SYT7: variants seen among roughly 807,000 people sequenced by gnomAD.
SYT7 encodes the protein synaptotagmin 7.
In SYT7, 29 loss-of-function variants were observed where a neutral mutation model predicts 75.1. The ratio of observed to expected loss-of-function variants is 0.39; its 90% confidence interval spans 0.29 to 0.53. The LOEUF (loss-of-function observed/expected upper bound fraction) is 0.53. Ranked by LOEUF, SYT7 falls within the 20% of genes least tolerant of loss-of-function variation. The pLI is 0.77. For synonymous variants in SYT7, 376 were observed against 401.7 expected, an observed-to-expected ratio of 0.94 and a Z score of 0.76; for missense variants, 693 against 953.2, an observed-to-expected ratio of 0.73 and a Z score of 3.59.
At chr11:61,525,141 T>C (rs2135077666) in intron 9 of SYT7, among the ~76,000 whole-genome samples, 1 of 152,340 alleles carries the variant, frequency 6.6e-6, no homozygotes, top group African/African-American at 2.4e-5. Flanking sequence ...CGCTGGCACC[T>C]CTTGCCTAGG....
chr11:61,524,714 G>T lies in SYT7; in HGVS notation c.1472-182C>A, dbSNP rs375254838. The T allele has an allele frequency of 1.4e-5, 8 of 555,564 alleles. No individual in the cohort carries two copies. Among genetic ancestry groups the T allele is most frequent in the Non-Finnish European group, 2.2e-5 (7 of 320,140 alleles). 34.4% of individuals were successfully genotyped at this position (555,564 alleles called of 1,614,324 possible). On this transcript the variant is annotated intron_variant, in intron 9 of 12. Transcript: ENST00000539008. This position sits in a 1 kb window ranked among gnomAD's most constrained non-coding sequence, Gnocchi z 4.1. The stretch of plus-strand genomic sequence containing the variant: ...TGAAGTGCTAGCAAGAACTGTCACC[G>T]TCTCATGGGATTCCCTCAACAATTC...
chr11:61,547,148 A>C, intron 4 of SYT7, 29 bp downstream of exon 4: 1 of 1,534,260 alleles, frequency 6.5e-7, no homozygotes, highest in Non-Finnish European at 8.7e-7. Context: ...TACTCGGTAC[A>C]TATGATCAAA....
intron 3 of SYT7, among the ~76,000 whole-genome samples, chr11:61,549,225 T>A (rs1005709171): frequency 6.6e-6 from 1 of 152,252 alleles, no homozygotes; most frequent in Non-Finnish European, 1.5e-5. Flanking sequence ...TCCCACCCTG[T>A]GTTCTGAAGA....
chr11:61,530,776 A>G (rs1371937120), intron 8 of SYT7: 1 of 983,776 alleles, frequency 1.0e-6, no homozygotes, highest in African/African-American at 1.7e-5. Flanking sequence ...CACCTGGGAA[A>G]GGGGTGGCAG....
chr11:61,528,031 C>A lies in SYT7; in HGVS notation c.1355G>T (p.Gly452Val). 6.2e-7 allele frequency: 1 copy of A among 1,614,146 alleles called. No homozygotes were observed. The highest frequency in any genetic ancestry group is 8.5e-7 in the Non-Finnish European group (1 of 1,180,026). ...AQELPAKDFS[G>V]TSDPFVKIYL... Reference sequence around the variant, plus strand: ...GATCTTGACGAAGGGGTCGCTGGTGCCGCTGAAGTCCTTGGCCGGCAGCTC... The same window carrying A: ...GATCTTGACGAAGGGGTCGCTGGTGACGCTGAAGTCCTTGGCCGGCAGCTC... Residue 452 changes from glycine to valine, a missense_variant, in exon 9 of 13, where the codon GGC becomes GTC. By Grantham distance (109) the Gly-to-Val change is moderately radical. This residue lies in a region of SYT7 where 206 missense variants were observed against 360.0 expected (regional missense o/e 0.57). Coordinates refer to ENST00000539008, the MANE Select transcript of SYT7 (RefSeq NM_001365809.2).
At chr11:61,583,072 A>AAAAAATT (rs1237516900), upstream of SYT7, among the ~76,000 whole-genome samples, 1 of 152,024 alleles carries the variant, frequency 6.6e-6, no homozygotes. Flanking sequence ...ACAAAGAAAA[A>AAAAAATT]AAAAATTAGC....
chr11:61,514,638 T>A lies in SYT7; in HGVS notation c.*3989A>T. ...GGCAGGGGATGGGGATGGTTATTGCTTTGTTGTGGCCAGAAGAAACAGGTG... is the reference window on the plus strand; with the variant it reads ...GGCAGGGGATGGGGATGGTTATTGCATTGTTGTGGCCAGAAGAAACAGGTG... On this transcript the variant is annotated 3_prime_UTR_variant, in exon 13 of 13. Coordinates refer to ENST00000539008, the MANE Select transcript of SYT7 (RefSeq NM_001365809.2). Among the ~76,000 whole-genome samples the A allele has an allele frequency of 6.6e-6, 1 of 152,120 alleles. No homozygotes were observed. The highest frequency in any genetic ancestry group is 1.9e-4 in the East Asian group (1 of 5,190).
At position 61,517,450 on chromosome 11, in the gene SYT7, G is replaced by A; in HGVS notation, c.*1177C>T. The A allele has an allele frequency of 2.5e-6, 1 of 398,896 alleles. No homozygotes were observed. The highest frequency in any genetic ancestry group is 3.6e-5 in the East Asian group (1 of 28,068). The allele number at this position is 398,896 out of a possible 1,614,324, so 24.7% of individuals were successfully genotyped here. ...GGGTGAGAAGACAGTCCTGGAGAAG[G>A]TCAGGTGATGGACGATCAGAGACCA... On this transcript the variant is annotated 3_prime_UTR_variant, in exon 13 of 13. Transcript: ENST00000539008.
intron 2 of SYT7, among the ~76,000 whole-genome samples, chr11:61,554,075 TG>T (rs1235344827): frequency 6.6e-6 from 1 of 152,044 alleles, no homozygotes; most frequent in Non-Finnish European, 1.5e-5. Context: ...GGTTCCTGGC[TG>T]GGGATTGTGG....
chr11:61,536,986 C>T (rs951333461), intron 7 of SYT7, among the ~76,000 whole-genome samples: 4 of 152,200 alleles, frequency 2.6e-5, no homozygotes, highest in Non-Finnish European at 5.9e-5. Context: ...AGGGGCCATT[C>T]CTTAGAGGTT....
At chr11:61,537,102 A>C (rs1394288569) in intron 7 of SYT7, among the ~76,000 whole-genome samples, 1 of 152,202 alleles carries the variant, frequency 6.6e-6, no homozygotes, top group Non-Finnish European at 1.5e-5. Flanking sequence ...CCAGAGCTGG[A>C]AGGCAGATGT....
In SYT7 at chr11:61,514,065, G is replaced by T. The variant is rs2062103939; in HGVS notation, c.*4562C>A. On this transcript the variant is annotated 3_prime_UTR_variant, in exon 13 of 13. Transcript: ENST00000539008. Reference sequence around the variant, plus strand: ...GGTGGTCCCAGGTACAGGGAGGGGTGGGGGAGCATCTCAGAGCAGGCATGG... The same window carrying T: ...GGTGGTCCCAGGTACAGGGAGGGGTTGGGGAGCATCTCAGAGCAGGCATGG... Among the ~76,000 whole-genome samples the T allele has an allele frequency of 6.6e-6, 1 of 152,152 alleles. No homozygotes were observed. The highest frequency in any genetic ancestry group is 1.5e-5 in the Non-Finnish European group (1 of 68,008).
chr11:61,532,969 G>A lies in SYT7; in HGVS notation c.1200+20C>T, dbSNP rs564576106. 41 of 1,611,856 alleles carry A rather than the reference G, an allele frequency of 2.5e-5. No homozygotes were observed. In the East Asian group the frequency reaches 4.7e-4, roughly 18 times the overall value. ...TCCCAGCCCAGTTCCTTGGAGCAGC[G>A]CAGGCTCCCTCATTCTCACCATGAG... On this transcript the variant is annotated intron_variant, in intron 8 of 12. Transcript: ENST00000539008.
chr11:61,549,993 C>T (rs2063302759), intron 3 of SYT7, among the ~76,000 whole-genome samples: 1 of 152,194 alleles, frequency 6.6e-6, no homozygotes, highest in Non-Finnish European at 1.5e-5. Flanking sequence ...AACGGCCTGT[C>T]CTGGAGGAGG....
rs188492699 is a variant in SYT7 at position 61,559,781 on chromosome 11, C to A, written c.32-3574G>T. On this transcript the variant is annotated intron_variant, in intron 1 of 12. Coordinates refer to ENST00000539008, the MANE Select transcript of SYT7 (RefSeq NM_001365809.2). ...GTCAGAGAGTCCCTAGGGACAGAAG[C>A]CTGTCGATCCCAGAGTCCAGTGGGC... Among the ~76,000 whole-genome samples, 445 of 152,308 alleles carry A rather than the reference C, an allele frequency of 2.9e-3. 6 individuals are homozygous for A. Among genetic ancestry groups the A allele is most frequent in the Non-Finnish European group, 4.8e-3 (324 of 68,018 alleles).
chr11:61,531,110 G>C, intron 8 of SYT7: 1 of 985,450 alleles, frequency 1.0e-6, no homozygotes, highest in Non-Finnish European at 1.2e-6. Context: ...GACCAGGACA[G>C]GCTGAGGTCA....
rs1303990605 is a variant in SYT7, at chr11:61,580,207, TC to T, written c.31+582del. Among the ~76,000 whole-genome samples, 1 of 151,520 alleles carries T rather than the reference TC, an allele frequency of 6.6e-6. No individual in the cohort carries two copies. Among genetic ancestry groups the T allele is most frequent in the Non-Finnish European group, 1.5e-5 (1 of 67,852 alleles). ...CATTCTCATGAGCCCCTGCTCTCTT[TC>T]CCTTCAGGCACCCCCGTCTCACCCA... On this transcript the variant is annotated intron_variant, in intron 1 of 12. Coordinates refer to ENST00000539008, the MANE Select transcript of SYT7 (RefSeq NM_001365809.2). The surrounding 1 kb of genome is among the most constrained non-coding windows in gnomAD (Gnocchi z 6.1).
intron 9 of SYT7, among the ~76,000 whole-genome samples, chr11:61,527,231 G>A (rs2062548697): frequency 6.6e-6 from 1 of 152,196 alleles, no homozygotes. Context: ...GTCAGAGAAC[G>A]GCAACAGATG....
chr11:61,554,167 T>C (rs2063427689), intron 2 of SYT7, among the ~76,000 whole-genome samples: 1 of 152,144 alleles, frequency 6.6e-6, no homozygotes, highest in Non-Finnish European at 1.5e-5. Flanking sequence ...GCCCCCCATC[T>C]GCTGCAAAAG....
Sources: allele counts gnomAD v4.1 joint callset (sites outside exome capture counted in the v4.1 genomes callset), GRCh38; gene constraint gnomAD v4.1.1; regional missense constraint gnomAD v4.1.1; non-coding constraint Gnocchi (gnomAD v3.1); transcripts MANE v1.5; gene names NCBI Gene and HGNC (gene_info 2026-07-23, HGNC 2026-07-21).